Variants in RIPK1 observed in about 807,000 individuals in gnomAD.
RIPK1 encodes the protein receptor-interacting serine/threonine-protein kinase 1.
A neutral mutation model predicts 62.4 loss-of-function variants in RIPK1; 27 were observed. That is an observed-to-expected ratio of 0.43 (90% CI 0.32 to 0.60). RIPK1 has a LOEUF of 0.60. Ranked by LOEUF, RIPK1 falls within the 20% of genes least tolerant of loss-of-function variation. The pLI, the probability that RIPK1 is intolerant of heterozygous loss-of-function variation, is 0.07. For missense variants in RIPK1, 735 were observed against 831.0 expected (o/e 0.88, Z 1.42); for synonymous variants, 287 against 303.2 (o/e 0.95, Z 0.55).
rs1761126033 is a variant in RIPK1 at position 3,110,936 on chromosome 6, T to C, written c.1710T>C (p.Ala570=). 6.2e-7 allele frequency: 1 copy of C among 1,612,928 alleles called. No individual in the cohort carries two copies. Among genetic ancestry groups the C allele is most frequent in the Non-Finnish European group, 8.5e-7 (1 of 1,179,624 alleles). The part of the protein sequence containing the change: ...TNTNFKEEPA[A]KYQAIFDNTT... ...CGAACTTCAAAGAAGAGCCAGCTGC[T>C]AAGTACCAAGCTATCTTTGGTAAGA... Residue 570 remains alanine, a synonymous_variant, in exon 10 of 11, where the codon GCT becomes GCC. Transcript: ENST00000259808.
chr6:3,066,443 G>T (rs929221445), upstream of RIPK1, among the ~76,000 whole-genome samples: 1 of 152,154 alleles, frequency 6.6e-6, no homozygotes, highest in African/African-American at 2.4e-5. Context: ...TCTATCACCA[G>T]ATGCTCTTGT....
intron 7 of RIPK1, among the ~76,000 whole-genome samples, chr6:3,094,392 A>G (rs1760172994): frequency 6.6e-6 from 1 of 152,210 alleles, no homozygotes; most frequent in African/African-American, 2.4e-5. Flanking sequence ...TAAAAAGGTA[A>G]TTGGAAAATC....
At chr6:3,101,451 T>C (rs1417649253) in intron 7 of RIPK1, among the ~76,000 whole-genome samples, 3 of 152,208 alleles carry the variant, frequency 2.0e-5, no homozygotes, top group African/African-American at 7.2e-5. Flanking sequence ...GCAGATTTGA[T>C]CTCTAAAAAT....
chr6:3,079,549 A>G, intron 3 of RIPK1, among the ~76,000 whole-genome samples: 1 of 152,250 alleles, frequency 6.6e-6, no homozygotes, highest in Non-Finnish European at 1.5e-5. Context: ...GAGACTGCCA[A>G]ATTTGGGGAA....
At chr6:3,086,333 G>C (rs985102429) in intron 6 of RIPK1, among the ~76,000 whole-genome samples, 1 of 152,194 alleles carries the variant, frequency 6.6e-6, no homozygotes, top group Non-Finnish European at 1.5e-5. Flanking sequence ...AGGTTGTATG[G>C]TAGTTTCATG....
At chr6:3,085,446 G>A (rs1346395033) in intron 6 of RIPK1, 38 bp downstream of exon 6, 1 of 1,601,474 alleles carries the variant, frequency 6.2e-7, no homozygotes, top group Admixed American at 1.7e-5. Context: ...GATGCATCCT[G>A]TGTGGTGATT....
At chr6:3,077,675 C>A in intron 2 of RIPK1, 104 bp from the exon 3 acceptor site, 1 of 1,312,290 alleles carries the variant, frequency 7.6e-7, no homozygotes. Context: ...CGGTACAGAC[C>A]CAAGCATGAC....
chr6:3,074,784 CA>C, intron 1 of RIPK1, among the ~76,000 whole-genome samples: 1 of 152,286 alleles, frequency 6.6e-6, no homozygotes, highest in East Asian at 1.9e-4. Flanking sequence ...CAAATTTAAG[CA>C]ATTCTCCTGC....
chr6:3,074,317 T>C (rs1758937061), intron 1 of RIPK1, among the ~76,000 whole-genome samples: 2 of 152,232 alleles, frequency 1.3e-5, no homozygotes, highest in Non-Finnish European at 2.9e-5. Context: ...AAGGCGACTT[T>C]CACTTATCAC....
At chr6:3,108,073 A>G (rs1185203971) in intron 9 of RIPK1, among the ~76,000 whole-genome samples, 1 of 151,936 alleles carries the variant, frequency 6.6e-6, no homozygotes, top group Non-Finnish European at 1.5e-5. Flanking sequence ...CTAATTTGCC[A>G]TACCATAGAA....
rs771349477 is a variant in RIPK1, at chr6:3,113,032, C to A, written c.1730-21C>A. On this transcript the variant is annotated intron_variant, in intron 10 of 10. Coordinates refer to ENST00000259808, the MANE Select transcript of RIPK1 (RefSeq NM_001354930.2). The surrounding 1 kb of genome is among the most constrained non-coding windows in gnomAD (Gnocchi z 5.0). ...TGAATGGGTTTTAGCTTGATACCTT[C>A]TTCTTTTTCCCATTTGGCAGATAAT... 2.0e-6 allele frequency: 3 copies of A among 1,515,428 alleles called. No individual in the cohort carries two copies. In the East Asian group the frequency reaches 6.8e-5, roughly 34 times the overall value. 93.9% of individuals were successfully genotyped at this position (1,515,428 alleles called of 1,614,324 possible).
At position 3,105,451 on chromosome 6, in the gene RIPK1, A is replaced by C. The variant is rs1760793979; in HGVS notation, c.1007-31A>C. On this transcript the variant is annotated intron_variant, in intron 8 of 10. Coordinates refer to ENST00000259808, the MANE Select transcript of RIPK1 (RefSeq NM_001354930.2). The surrounding 1 kb of genome is among the most constrained non-coding windows in gnomAD (Gnocchi z 4.5). ...ATTTTACTTTTTAATGTTTCATGAC[A>C]CCCATTCTAATGTTGATCATTTCTT... 1.4e-6 allele frequency: 2 copies of C among 1,449,460 alleles called. No homozygotes were observed. The highest frequency in any genetic ancestry group is 2.8e-5 in the African/African-American group (2 of 70,292). 89.8% of individuals were successfully genotyped at this position (1,449,460 alleles called of 1,614,324 possible).
Position 3,076,848 on chromosome 6 carries a change from G to C in RIPK1, c.25G>C (p.Val9Leu), listed in dbSNP as rs1484569080. Residue 9 changes from valine to leucine, a missense_variant, in exon 2 of 11, where the codon GTC becomes CTC. Transcript: ENST00000259808. ...AATGCAACCAGACATGTCCTTGAAT[G>C]TCATTAAGATGAAATCCAGTGACTT... MQPDMSLN[V>L]IKMKSSDFLE... is the part of the protein sequence containing the mutation. 6.2e-7 allele frequency: 1 copy of C among 1,613,298 alleles called. No homozygotes were observed. Among genetic ancestry groups the C allele is most frequent in the East Asian group, 2.2e-5 (1 of 44,874 alleles).
rs1469379649 is a variant in RIPK1 at position 3,115,178 on chromosome 6, T to G, written c.*1839T>G. On this transcript the variant is annotated 3_prime_UTR_variant, in exon 11 of 11. Transcript: ENST00000259808. ...TTTAACACTTTTTAAAATAAAAATT[T>G]ATACCACAACTTTAGGCTATTGATG... 1 of 152,150 alleles carries G rather than the reference T, an allele frequency of 6.6e-6. No individual in the cohort carries two copies. Among genetic ancestry groups the G allele is most frequent in the Non-Finnish European group, 1.5e-5 (1 of 68,018 alleles). The allele number at this position is 152,150 out of a possible 1,614,324, so 9.4% of individuals were successfully genotyped here. A position where few individuals can be genotyped will look rare whatever the true frequency, so the allele number is the denominator to read the frequency against.
intron 1 of RIPK1, among the ~76,000 whole-genome samples, chr6:3,073,460 G>A (rs1758868443): frequency 6.6e-6 from 1 of 152,082 alleles, no homozygotes; most frequent in South Asian, 2.1e-4. Context: ...TCATAGTGGA[G>A]GGCCCGTGCT....
In RIPK1 at chr6:3,113,432, C is replaced by A; in HGVS notation, c.*93C>A. The A allele has an allele frequency of 2.5e-6, 3 of 1,208,340 alleles. No individual in the cohort carries two copies. The highest frequency in any genetic ancestry group is 3.5e-6 in the Non-Finnish European group (3 of 866,566). The allele number at this position is 1,208,340 out of a possible 1,614,324, so 74.9% of individuals were successfully genotyped here. On this transcript the variant is annotated 3_prime_UTR_variant, in exon 11 of 11. Transcript: ENST00000259808. This position sits in a 1 kb window ranked among gnomAD's most constrained non-coding sequence, Gnocchi z 5.0. ...CTCAGAGCATTCAGAATTCTGTCCTCACTGATAGGGGTTCTGTGTCTGCAG... is the reference window on the plus strand; with the variant it reads ...CTCAGAGCATTCAGAATTCTGTCCTAACTGATAGGGGTTCTGTGTCTGCAG...
At position 3,089,622 on chromosome 6, in the gene RIPK1, G is replaced by A. The variant is rs1448316759; in HGVS notation, c.880G>A (p.Glu294Lys). The stretch of plus-strand genomic sequence containing the variant: ...TAGGCCTTTTTATTTAAGTCAATTA[G>A]AAGAAAGTGTAGAAGAGGACGTGAA... ...KFRPFYLSQL[E>K]ESVEEDVKSL... Residue 294 changes from glutamate to lysine, a missense_variant, in exon 7 of 11, where the codon GAA (glutamate) becomes AAA (lysine). Coordinates refer to ENST00000259808, the MANE Select transcript of RIPK1 (RefSeq NM_001354930.2). The A allele has an allele frequency of 6.3e-7, 1 of 1,586,368 alleles. No individual in the cohort carries two copies. The highest frequency in any genetic ancestry group is 8.6e-7 in the Non-Finnish European group (1 of 1,157,980).
rs552769078 is a variant in RIPK1 at position 3,078,414 on chromosome 6, G to A, written c.321+479G>A. The stretch of plus-strand genomic sequence containing the variant: ...TCTTCCTTGCCTTTTACTGCCCTGA[G>A]AGTGGTCTCTTCATCCTCTCGATCC... On this transcript the variant is annotated intron_variant, in intron 3 of 10. Transcript: ENST00000259808. Among the ~76,000 whole-genome samples the A allele has an allele frequency of 5.3e-5, 8 of 152,330 alleles. No individual in the cohort carries two copies. In the South Asian group the frequency reaches 1.7e-3, roughly 32 times the overall value.
upstream of RIPK1, among the ~76,000 whole-genome samples, chr6:3,064,383 C>G (rs1238728991): frequency 1.3e-5 from 2 of 152,246 alleles, no homozygotes; most frequent in African/African-American, 2.4e-5. Context: ...CCTCTCTGCT[C>G]TGGGATCCGC....
Sources: gnomAD v4.1 joint callset for allele counts (sites outside exome capture counted in the v4.1 genomes callset) on GRCh38, gnomAD v4.1.1 for gene constraint, Gnocchi (gnomAD v3.1) non-coding constraint, MANE v1.5 for transcripts, NCBI Gene and HGNC (gene_info 2026-07-23, HGNC 2026-07-21) for gene names.